MAPK10: variants seen among roughly 807,000 people sequenced by gnomAD.
MAPK10 encodes the protein JNK3 alpha protein kinase.
MAPK10 carries 25 observed loss-of-function variants against 59.3 expected under a neutral mutation model. The observed-to-expected ratio is 0.42, with a 90% CI of 0.31 to 0.59. The LOEUF is 0.59. Among genes scored for constraint, MAPK10 ranks in the 20% least tolerant of loss-of-function variants. The pLI is 0.15. For synonymous variants in MAPK10, 190 were observed against 200.5 expected, an observed-to-expected ratio of 0.95 and a Z score of 0.44; for missense variants, 351 against 568.9, an observed-to-expected ratio of 0.62 and a Z score of 3.90.
In MAPK10 at chr4:86,164,263, T is replaced by C. The variant is rs190442661; in HGVS notation, c.67-4796A>G. Among the ~76,000 whole-genome samples, 896 of 152,206 alleles carry C rather than the reference T, an allele frequency of 5.9e-3. 4 individuals carry two copies. The highest frequency in any genetic ancestry group is 0.014 in the Middle Eastern group (4 of 294). ...GATTTGTCTAGCTCACGGTAAAAGA[T>C]AGAGAAACAATAAAACCATTAAATC... On this transcript the variant is annotated intron_variant, in intron 3 of 13. Transcript: ENST00000641462.
intron 3 of MAPK10, among the ~76,000 whole-genome samples, chr4:86,169,785 A>G (rs1179094517): frequency 6.6e-6 from 1 of 151,922 alleles, no homozygotes; most frequent in Non-Finnish European, 1.5e-5. Context: ...AGTTGAAATG[A>G]AGGAAAAAAT....
intron 11 of MAPK10, among the ~76,000 whole-genome samples, chr4:86,051,555 GATTTTTAAATGTCAGC>G (rs1336892018): frequency 1.3e-5 from 2 of 152,124 alleles, no homozygotes. Flanking sequence ...TTCATTTAGG[GATTTTTAAATGTCAGC>G]ATAAACATCC....
At chr4:86,046,607 C>G (rs1046372464) in intron 11 of MAPK10, among the ~76,000 whole-genome samples, 2 of 152,050 alleles carry the variant, frequency 1.3e-5, no homozygotes, top group Admixed American at 6.6e-5. Flanking sequence ...ATTCAAAAAT[C>G]TACGATATAT....
intron 2 of MAPK10, among the ~76,000 whole-genome samples, chr4:86,228,904 T>G (rs1448564203): frequency 6.6e-6 from 1 of 152,210 alleles, no homozygotes; most frequent in East Asian, 1.9e-4. Context: ...AGTTCATATT[T>G]CAACTACACT....
At chr4:86,543,089 T>C (rs988210592) in intron 1 of MAPK10, among the ~76,000 whole-genome samples, 1 of 152,120 alleles carries the variant, frequency 6.6e-6, no homozygotes. Context: ...CTTCAATCTG[T>C]GAAATCGCAA....
intron 9 of MAPK10, among the ~76,000 whole-genome samples, chr4:86,083,892 G>T (rs749185449): frequency 6.6e-6 from 1 of 152,176 alleles, no homozygotes; most frequent in South Asian, 2.1e-4. Flanking sequence ...ACCAGTCAGA[G>T]TTGTGAGGCC....
intron 1 of MAPK10, among the ~76,000 whole-genome samples, chr4:86,581,897 TATTATATATATATA>T (rs1762305698): frequency 1.9e-5 from 2 of 105,770 alleles, no homozygotes; most frequent in South Asian, 3.1e-4. Context: ...AAGCTATATA[TATTATATATATATA>T]TATATATATA....
intron 2 of MAPK10, among the ~76,000 whole-genome samples, chr4:86,311,211 A>G (rs1204427727): frequency 2.0e-5 from 3 of 152,142 alleles, no homozygotes; most frequent in East Asian, 1.9e-4. Flanking sequence ...ATGACTCAAC[A>G]TTAATAAGGA....
At chr4:86,565,720 G>A (rs1761012568) in intron 1 of MAPK10, among the ~76,000 whole-genome samples, 1 of 152,130 alleles carries the variant, frequency 6.6e-6, no homozygotes, top group South Asian at 2.1e-4. Context: ...ACAATATTTT[G>A]TGCTTATCTC....
At chr4:86,177,966 A>C (rs2076057497) in intron 3 of MAPK10, among the ~76,000 whole-genome samples, 1 of 152,102 alleles carries the variant, frequency 6.6e-6, no homozygotes, top group Non-Finnish European at 1.5e-5. Context: ...CTTTAACCAA[A>C]AAAAGGCAAC....
chr4:86,587,536 A>G (rs1762731124), intron 1 of MAPK10, among the ~76,000 whole-genome samples: 1 of 152,124 alleles, frequency 6.6e-6, no homozygotes, highest in Non-Finnish European at 1.5e-5. Context: ...GTTTTAGTGG[A>G]TTACTTATCT....
At chr4:86,404,825 C>T (rs1364330132) in intron 1 of MAPK10, among the ~76,000 whole-genome samples, 1 of 152,136 alleles carries the variant, frequency 6.6e-6, no homozygotes, top group African/African-American at 2.4e-5. Flanking sequence ...AGTTGTATAG[C>T]AGTTAGAGGC....
intron 11 of MAPK10, among the ~76,000 whole-genome samples, chr4:86,042,099 A>T (rs1226641518): frequency 6.6e-6 from 1 of 152,248 alleles, no homozygotes; most frequent in Non-Finnish European, 1.5e-5. Flanking sequence ...GGATAAAGAA[A>T]ATGTGGCACA....
At chr4:86,223,808 A>C (rs1489891859) in intron 2 of MAPK10, among the ~76,000 whole-genome samples, 1 of 151,994 alleles carries the variant, frequency 6.6e-6, no homozygotes, top group Non-Finnish European at 1.5e-5. Context: ...CCCCCTAACC[A>C]CAGTAAAATC....
intron 2 of MAPK10, among the ~76,000 whole-genome samples, chr4:86,220,881 TCA>T (rs1408907924): frequency 3.3e-4 from 51 of 152,348 alleles, no homozygotes; most frequent in African/African-American, 1.1e-3. Context: ...TTCAGGAGAT[TCA>T]GTTATGTCTC....
intron 2 of MAPK10, among the ~76,000 whole-genome samples, chr4:86,283,530 G>A (rs1289733587): frequency 6.6e-6 from 1 of 152,184 alleles, no homozygotes; most frequent in Admixed American, 6.5e-5. Context: ...AAAACACTTT[G>A]AAGGATTTAT....
At chr4:86,123,442 G>T (rs561537854) in intron 4 of MAPK10, among the ~76,000 whole-genome samples, 24 of 152,114 alleles carry the variant, frequency 1.6e-4, no homozygotes, top group African/African-American at 5.8e-4. Flanking sequence ...GCATATGGAA[G>T]TTGTAGTTTT....
chr4:86,410,252 G>C (rs1014169686), intron 1 of MAPK10, among the ~76,000 whole-genome samples: 6 of 152,120 alleles, frequency 3.9e-5, no homozygotes, highest in Non-Finnish European at 7.4e-5. Flanking sequence ...GGATGAAGCT[G>C]ACTTGATCGT....
At chr4:86,248,611 C>T (rs1436306680) in intron 2 of MAPK10, among the ~76,000 whole-genome samples, 3 of 152,184 alleles carry the variant, frequency 2.0e-5, no homozygotes, top group Non-Finnish European at 4.4e-5. Flanking sequence ...TTTTATAGAG[C>T]TCATGCTTCA....
Sources: gnomAD v4.1 joint callset for allele counts (sites outside exome capture counted in the v4.1 genomes callset) on GRCh38, gnomAD v4.1.1 for gene constraint, MANE v1.5 for transcripts, NCBI Gene and HGNC (gene_info 2026-07-23, HGNC 2026-07-21) for gene names.